SRPX2: variants seen among roughly 807,000 people sequenced by gnomAD.
The protein encoded by SRPX2 is sushi repeat-containing protein SRPX2.
Under a neutral mutation model 45.3 loss-of-function variants are expected in SRPX2, and 26 were observed. The observed-to-expected ratio is 0.57, with a 90% CI of 0.42 to 0.80. SRPX2 has a LOEUF of 0.80. Among genes scored for constraint, SRPX2 ranks in the 30% least tolerant of loss-of-function variants. The probability of loss-of-function intolerance (pLI) is 0.00; values close to 1 mark genes in which losing one functional copy is unlikely to be tolerated. For synonymous variants in SRPX2, 125 were observed against 143.7 expected, an observed-to-expected ratio of 0.87 and a Z score of 0.93; for missense variants, 355 against 399.8, an observed-to-expected ratio of 0.89 and a Z score of 0.95.
chrX:100,669,417 G>T (rs746518092), intron 10 of SRPX2, 48 bp downstream of exon 10: 1 of 929,561 alleles, frequency 1.1e-6, no homozygotes. Flanking sequence ...GGGCTGGGGC[G>T]GGGGGAGAAA....
At chrX:100,650,390 C>A (rs1178639184) in intron 2 of SRPX2, 1 of 183,537 alleles carries the variant, frequency 5.4e-6, no homozygotes, top group East Asian at 1.4e-4. Context: ...TGCCTCCTAT[C>A]AGGGACCACA....
intron 2 of SRPX2, among the ~76,000 whole-genome samples, chrX:100,648,453 C>A (rs1453256621): frequency 9.0e-6 from 1 of 111,711 alleles, no homozygotes; most frequent in Non-Finnish European, 1.9e-5. Flanking sequence ...CCAAGTCCTT[C>A]CCCCAGGGCT....
Position 100,670,845 on chromosome X carries a change from T to C in SRPX2, c.1256T>C (p.Val419Ala). 8.3e-7 allele frequency: 1 copy of C among 1,211,245 alleles called. No individual in the cohort carries two copies. The highest frequency in any genetic ancestry group is 2.2e-5 in the Admixed American group (1 of 45,978). ...CTCACTCGCTCCTACTTCAACATGG[T>C]GTTGATTGACAAGCAGGGTATTGAC... Reference protein sequence around the residue: ...QRLTRSYFNMVLIDKQGIDRD... With the variant: ...QRLTRSYFNMALIDKQGIDRD... Residue 419 changes from valine to alanine, a missense_variant, in exon 11 of 11, where the codon GTG becomes GCG. Val to Ala is a moderately conservative substitution (Grantham distance 64). Coordinates refer to ENST00000373004, the MANE Select transcript of SRPX2 (RefSeq NM_014467.3).
chrX:100,656,819 T>C (rs948815123), intron 3 of SRPX2, among the ~76,000 whole-genome samples: 2 of 111,838 alleles, frequency 1.8e-5, no homozygotes, highest in Admixed American at 9.4e-5. Context: ...TTCTTTTCCT[T>C]TAAATAGGTA....
intron 7 of SRPX2, among the ~76,000 whole-genome samples, chrX:100,666,356 TA>T (rs1478217919): frequency 8.9e-6 from 1 of 112,348 alleles, no homozygotes; most frequent in Non-Finnish European, 1.9e-5. Context: ...AAATATATCG[TA>T]ATTTGCTTAA....
intron 8 of SRPX2, 151 bp downstream of exon 8, chrX:100,667,084 G>A (rs965358814): frequency 3.4e-5 from 33 of 979,536 alleles, no homozygotes; most frequent in East Asian, 1.7e-4. Flanking sequence ...ACATTCCCCC[G>A]TAGACTACTC....
chrX:100,671,090 A>C lies in SRPX2; in HGVS notation c.*103A>C. 1.1e-6 allele frequency: 1 copy of C among 927,287 alleles called. No homozygotes were observed. Among genetic ancestry groups the C allele is most frequent in the Non-Finnish European group, 1.5e-6 (1 of 663,722 alleles). The allele number at this position is 927,287 out of a possible 1,213,427, so 76.4% of individuals were successfully genotyped here. A position where few individuals can be genotyped will look rare whatever the true frequency, so the allele number is the denominator to read the frequency against. On this transcript the variant is annotated 3_prime_UTR_variant, in exon 11 of 11. Coordinates refer to ENST00000373004, the MANE Select transcript of SRPX2 (RefSeq NM_014467.3). ...AATGTTTTCCCACAGTTCTAGGGAC[A>C]GGACTCTGAGGTGGGTGAGTTTGAC... is the stretch of plus-strand genomic sequence containing the variant.
chrX:100,661,763 G>A (rs1441568979), intron 3 of SRPX2, among the ~76,000 whole-genome samples: 1 of 111,296 alleles, frequency 9.0e-6, no homozygotes, highest in Non-Finnish European at 1.9e-5. Flanking sequence ...GTGAGACTCC[G>A]TCTCAAAAAA....
rs976225586 is a variant in SRPX2 at position 100,673,976 on chromosome X, G to A, written c.*2989G>A. The A allele has an allele frequency of 8.9e-6, 1 of 112,198 alleles. No homozygotes were observed. Among genetic ancestry groups the A allele is most frequent in the African/African-American group, 3.2e-5 (1 of 30,852 alleles). 9.2% of individuals were successfully genotyped at this position (112,198 alleles called of 1,213,427 possible). A position where few individuals can be genotyped will look rare whatever the true frequency, so the allele number is the denominator to read the frequency against. Reference sequence around the variant, plus strand: ...GCACAAGAGGTCAAGAATTGCTTGGGTTCTACCTAGAAATCAAGAGCCTTA... The same window carrying A: ...GCACAAGAGGTCAAGAATTGCTTGGATTCTACCTAGAAATCAAGAGCCTTA... On this transcript the variant is annotated 3_prime_UTR_variant, in exon 11 of 11. Transcript: ENST00000373004.
rs370671348 is a variant in SRPX2, at chrX:100,675,637, G to A, written c.*4650G>A. 2.0e-4 allele frequency: 24 copies of A among 118,394 alleles called. No individual in the cohort carries two copies. In the East Asian group the frequency reaches 2.7e-3, roughly 13 times the overall value. 9.8% of individuals were successfully genotyped at this position (118,394 alleles called of 1,213,427 possible). ...TTAAAACCCAGACTGGTCCTAATGC[G>A]AAAGGTAGCCAGGGCTTCCTAGGGA... On this transcript the variant is annotated 3_prime_UTR_variant, in exon 11 of 11. Transcript: ENST00000373004.
At chrX:100,664,209 G>A (rs975122006) in intron 4 of SRPX2, among the ~76,000 whole-genome samples, 23 of 52,124 alleles carry the variant, frequency 4.4e-4, no homozygotes, top group South Asian at 2.0e-3. Flanking sequence ...TGCAAAGTCA[G>A]GTCTGATTTT....
In SRPX2 at chrX:100,674,588, C is replaced by T. The variant is rs1237640266; in HGVS notation, c.*3601C>T. The T allele has an allele frequency of 8.9e-6, 1 of 112,250 alleles. No homozygotes were observed. The highest frequency in any genetic ancestry group is 1.9e-5 in the Non-Finnish European group (1 of 53,204). The allele number at this position is 112,250 out of a possible 1,213,427, so 9.3% of individuals were successfully genotyped here. On this transcript the variant is annotated 3_prime_UTR_variant, in exon 11 of 11. Transcript: ENST00000373004. ...AGCCCGGGATCCCAAGTTATGCCTT[C>T]CATTACAATTGCAATCCACACCAAA...
chrX:100,667,633 G>T (rs2083209028), intron 9 of SRPX2, among the ~76,000 whole-genome samples: 1 of 112,336 alleles, frequency 8.9e-6, no homozygotes, highest in African/African-American at 3.2e-5. Context: ...CAGGGAGCTG[G>T]GTGAAAGATG....
chrX:100,652,794 A>T (rs775119772), intron 3 of SRPX2, among the ~76,000 whole-genome samples: 1 of 111,434 alleles, frequency 9.0e-6, no homozygotes, highest in African/African-American at 3.3e-5. Context: ...GCATCTTTGT[A>T]GCTACCTTCT....
At position 100,662,176 on chromosome X, in the gene SRPX2, T is replaced by C. The variant is rs777972842; in HGVS notation, c.164T>C (p.Val55Ala). The change falls in exon 4 of 11, where the codon GTC becomes GCC. Residue 55 changes from valine to alanine, a missense_variant and splice_region_variant. Val to Ala is a moderately conservative substitution (Grantham distance 64). Coordinates refer to ENST00000373004, the MANE Select transcript of SRPX2 (RefSeq NM_014467.3). ...VPQAPALDYRVPRWCYTLNIQ... is the reference protein window; with the variant it reads ...VPQAPALDYRAPRWCYTLNIQ... ...GCTTGCCTTTCTTCTATTGCTACAG[T>C]CCCCCGATGGTGTTATACATTAAAT... The C allele has an allele frequency of 2.5e-6, 3 of 1,210,453 alleles. No homozygotes were observed. In the African/African-American group the frequency reaches 5.2e-5, roughly 21 times the overall value.
chrX:100,646,050 G>A (rs2083134326), intron 1 of SRPX2, 143 bp from the exon 2 acceptor site: 1 of 352,326 alleles, frequency 2.8e-6, no homozygotes, highest in Non-Finnish European at 5.0e-6. Context: ...AAGATTGGTT[G>A]TTTTACATCC....
rs756588018 is a variant in SRPX2 at position 100,653,320 on chromosome X, G to A, written c.163+2455G>A. On this transcript the variant is annotated intron_variant, in intron 3 of 10. Coordinates refer to ENST00000373004, the MANE Select transcript of SRPX2 (RefSeq NM_014467.3). ...ACTACCATCATTCTCTTAGTTACTC[G>A]GACTTCAAAATACCTCAATGTCACC... Among the ~76,000 whole-genome samples the A allele has an allele frequency of 3.6e-5, 4 of 110,937 alleles. No homozygotes were observed. The South Asian group carries it at 1.6e-3, about 43-fold the overall frequency.
At position 100,667,223 on chromosome X, in the gene SRPX2, TG is replaced by T. The variant is rs770127028; in HGVS notation, c.962-48del. 11 of 1,209,320 alleles carry T rather than the reference TG, an allele frequency of 9.1e-6. No individual in the cohort carries two copies. In the African/African-American group the frequency reaches 1.7e-4, roughly 19 times the overall value. ...CCTCAAGATGTTAGGTTACCTAAGCTGGGATGGAGGAGAAAGCCGTACTCTG... is the reference window on the plus strand; with the variant it reads ...CCTCAAGATGTTAGGTTACCTAAGCTGGATGGAGGAGAAAGCCGTACTCTG... On this transcript the variant is annotated intron_variant, in intron 8 of 10. Coordinates refer to ENST00000373004, the MANE Select transcript of SRPX2 (RefSeq NM_014467.3).
chrX:100,646,529 C>T (rs752935624), intron 2 of SRPX2, 125 bp downstream of exon 2: 10 of 679,513 alleles, frequency 1.5e-5, no homozygotes, highest in African/African-American at 1.3e-4. Flanking sequence ...TATTAAAGGA[C>T]AATAAAGATG....
Sources: gnomAD v4.1 joint callset for allele counts (sites outside exome capture counted in the v4.1 genomes callset) on GRCh38, gnomAD v4.1.1 for gene constraint, MANE v1.5 for transcripts, NCBI Gene and HGNC (gene_info 2026-07-23, HGNC 2026-07-21) for gene names.